The following CYP27C1 variants were observed in gnomAD, a reference collection of about 807,000 sequenced individuals.
CYP27C1 encodes the protein cytochrome P450 family 27 subfamily C member 1.
CYP27C1 carries 29 observed loss-of-function variants against 40.6 expected under a neutral mutation model. The observed-to-expected ratio is 0.71, with a 90% CI of 0.53 to 0.97. CYP27C1 has a LOEUF of 0.97. Among genes scored for constraint, CYP27C1 ranks in the 50% least tolerant of loss-of-function variants. The pLI is 0.00. For missense variants in CYP27C1, 390 were observed against 485.8 expected (o/e 0.80, Z 1.85); for synonymous variants, 198 against 186.8 (o/e 1.06, Z -0.49).
In CYP27C1 at chr2:127,186,282, C is replaced by A. The variant is rs955537855; in HGVS notation, c.*989G>T. 3 of 150,938 alleles carry A rather than the reference C, an allele frequency of 2.0e-5. No homozygotes were observed. The highest frequency in any genetic ancestry group is 7.3e-5 in the African/African-American group (3 of 41,264). The allele number at this position is 150,938 out of a possible 1,614,324, so 9.3% of individuals were successfully genotyped here. A position where few individuals can be genotyped will look rare whatever the true frequency, so the allele number is the denominator to read the frequency against. On this transcript the variant is annotated 3_prime_UTR_variant, in exon 9 of 9. Transcript: ENST00000664447. This position sits in a 1 kb window ranked among gnomAD's most constrained non-coding sequence, Gnocchi z 4.5. ...TTATTTATTTATTATTTATTTCTTC[C>A]AAATAAAAACTAATAGTCAACTTCA... is the stretch of plus-strand genomic sequence containing the variant.
At position 127,189,175 on chromosome 2, in the gene CYP27C1, C is replaced by T. The variant is rs898141855; in HGVS notation, c.1498-1788G>A. On this transcript the variant is annotated intron_variant, in intron 8 of 8. Transcript: ENST00000664447. ...CAAAAGACAAAAAACACTGCCCCCC[C>T]CCTCCGCCCCCCTACATCCAGTTTC... is the stretch of plus-strand genomic sequence containing the variant. Among the ~76,000 whole-genome samples, 45 of 151,212 alleles carry T rather than the reference C, an allele frequency of 3.0e-4. 2 individuals are homozygous for T. In the South Asian group the frequency reaches 7.0e-3, roughly 24 times the overall value.
At chr2:127,211,135 G>A (rs1004697060) in intron 1 of CYP27C1, among the ~76,000 whole-genome samples, 1 of 152,078 alleles carries the variant, frequency 6.6e-6, no homozygotes, top group Non-Finnish European at 1.5e-5. Context: ...AAGTGCAAAA[G>A]AACTGAAATC....
intron 7 of CYP27C1, among the ~76,000 whole-genome samples, 175 bp downstream of exon 7, chr2:127,193,614 G>A (rs1682833984): frequency 6.6e-6 from 1 of 152,170 alleles, no homozygotes; most frequent in Non-Finnish European, 1.5e-5. Context: ...AGAGCAGTGA[G>A]ATCACACCAT....
Position 127,208,007 on chromosome 2 carries a change from C to A in CYP27C1, c.283-1917G>T, listed in dbSNP as rs1184047150. Among the ~76,000 whole-genome samples the A allele has an allele frequency of 3.9e-5, 6 of 152,012 alleles. No homozygotes were observed. The East Asian group carries it at 1.2e-3, about 29-fold the overall frequency. On this transcript the variant is annotated intron_variant, in intron 1 of 8. Coordinates refer to ENST00000664447, the MANE Select transcript of CYP27C1 (RefSeq NM_001367502.1). This position sits in a 1 kb window ranked among gnomAD's most constrained non-coding sequence, Gnocchi z 5.2. ...AAATTCATATGAAAATGCAAGAGAC[C>A]CAGAATAGCCTAAACAATCTCGAAA...
At chr2:127,191,108 G>A (rs909045400) in intron 8 of CYP27C1, among the ~76,000 whole-genome samples, 13 of 150,734 alleles carry the variant, frequency 8.6e-5, no homozygotes, top group Non-Finnish European at 1.5e-4. Context: ...TTAGCTGGGC[G>A]TGGTGATGGG....
Position 127,187,352 on chromosome 2 carries a change from C to A in CYP27C1, c.1533G>T (p.Gln511His). ...LQHFEIKTSSQTNAVHAKTHG... is the reference protein window; with the variant it reads ...LQHFEIKTSSHTNAVHAKTHG... ...GGGTTTTTGCATGAACAGCATTGGT[C>A]TGAGAAGATGTTTTGATCTCAAAAT... Residue 511 changes from glutamine (Q) to histidine (H), a missense_variant, in exon 9 of 9, where the codon CAG becomes CAT. Transcript: ENST00000664447. The A allele has an allele frequency of 6.2e-7, 1 of 1,614,060 alleles. No homozygotes were observed. Among genetic ancestry groups the A allele is most frequent in the Non-Finnish European group, 8.5e-7 (1 of 1,179,996 alleles).
In CYP27C1 at chr2:127,218,755, G is replaced by A. The variant is rs1334657172; in HGVS notation, c.282+1234C>T. ...CTGGGCAGAAGGACAGGCCTGGGTG[G>A]GAGGAGAAGGGGGCGTTCTCGGAAG... On this transcript the variant is annotated intron_variant, in intron 1 of 8. Transcript: ENST00000664447. The surrounding 1 kb of genome is among the most constrained non-coding windows in gnomAD (Gnocchi z 6.0). Among the ~76,000 whole-genome samples, 3 of 152,184 alleles carry A rather than the reference G, an allele frequency of 2.0e-5. No individual in the cohort carries two copies. Among genetic ancestry groups the A allele is most frequent in the Non-Finnish European group, 4.4e-5 (3 of 68,024 alleles).
At chr2:127,215,411 A>T (rs1683412816) in intron 1 of CYP27C1, among the ~76,000 whole-genome samples, 1 of 152,188 alleles carries the variant, frequency 6.6e-6, no homozygotes, top group Non-Finnish European at 1.5e-5. Flanking sequence ...AAATGCTAAA[A>T]CTATAAACTC....
rs138007601 is a variant in CYP27C1 at position 127,190,871 on chromosome 2, C to T, written c.1497+2223G>A. On this transcript the variant is annotated intron_variant, in intron 8 of 8. Transcript: ENST00000664447. ...CTGAGGCAGGAGAATCGCTTGAACC[C>T]GGGAGACAGAGTTGCAGCGACCCGA... Among the ~76,000 whole-genome samples the T allele has an allele frequency of 8.2e-3, 1,224 of 149,608 alleles. 10 individuals carry two copies. The highest frequency in any genetic ancestry group is 0.028 in the African/African-American group (1,154 of 40,518).
At chr2:127,193,985 G>C in intron 6 of CYP27C1, 118 bp from the exon 7 acceptor site, 11 of 1,149,660 alleles carry the variant, frequency 9.6e-6, no homozygotes, top group Non-Finnish European at 1.4e-5. Context: ...AGTAACACAT[G>C]GTACATTTTC....
At chr2:127,202,306 A>G (rs1468754357) in intron 3 of CYP27C1, among the ~76,000 whole-genome samples, 2 of 152,112 alleles carry the variant, frequency 1.3e-5, no homozygotes, top group Non-Finnish European at 2.9e-5. Context: ...TTGTATTTTT[A>G]GTAGAGACAG....
intron 8 of CYP27C1, among the ~76,000 whole-genome samples, chr2:127,190,862 G>A (rs1051165654): frequency 8.6e-5 from 13 of 150,542 alleles, no homozygotes; most frequent in Admixed American, 2.6e-4. Context: ...CAGGAGAATC[G>A]CTTGAACCCG....
chr2:127,193,500 C>T (rs979528749), intron 7 of CYP27C1, among the ~76,000 whole-genome samples: 2 of 152,154 alleles, frequency 1.3e-5, no homozygotes, highest in African/African-American at 2.4e-5. Flanking sequence ...CTGAGAAGAC[C>T]GTCGAGCCCT....
chr2:127,197,788 G>A (rs1682937496), intron 5 of CYP27C1, among the ~76,000 whole-genome samples: 2 of 151,946 alleles, frequency 1.3e-5, no homozygotes, highest in Non-Finnish European at 1.5e-5. Context: ...GTACCTACAC[G>A]GCGATCATTT....
chr2:127,204,626 A>AAAGAAAG (rs200607857), intron 2 of CYP27C1, among the ~76,000 whole-genome samples: 1 of 38,912 alleles, frequency 2.6e-5, no homozygotes, highest in African/African-American at 9.9e-5. Context: ...AGAAAGAAAG[A>AAAGAAAG]AGACTGCAGC....
In CYP27C1 at chr2:127,204,612, A is replaced by AGAAG. The variant is rs1491571198; in HGVS notation, c.474-1042_474-1041insCTTC. On this transcript the variant is annotated intron_variant, in intron 2 of 8. Coordinates refer to ENST00000664447, the MANE Select transcript of CYP27C1 (RefSeq NM_001367502.1). ...AAGAAAGAAAGAAAGAAAGAAAGAAAGAAAGAAAGAAAGAAGACTGCAGCT... is the reference window on the plus strand; with the variant it reads ...AAGAAAGAAAGAAAGAAAGAAAGAAAGAAGGAAAGAAAGAAAGAAGACTGCAGCT... Among the ~76,000 whole-genome samples the AGAAG allele has an allele frequency of 2.9e-5, 3 of 103,250 alleles. 1 individual carries two copies. Among genetic ancestry groups the AGAAG allele is most frequent in the Non-Finnish European group, 6.0e-5 (3 of 50,232 alleles). 67.7% of individuals were successfully genotyped at this position (103,250 alleles called of 152,430 possible).
rs573825266 is a variant in CYP27C1, at chr2:127,195,018, C to T, written c.1214+317G>A. On this transcript the variant is annotated intron_variant, in intron 6 of 8. Coordinates refer to ENST00000664447, the MANE Select transcript of CYP27C1 (RefSeq NM_001367502.1). The surrounding 1 kb of genome is among the most constrained non-coding windows in gnomAD (Gnocchi z 6.2). ...CTAATTTTTGTATTTTTAGTAGAGA[C>T]GCAGTTTCACCATGTTGGCCAGGCT... 2.9e-4 allele frequency among the ~76,000 whole-genome samples: 44 copies of T among 152,074 alleles called. 1 individual carries two copies. Among genetic ancestry groups the T allele is most frequent in the African/African-American group, 9.9e-4 (41 of 41,512 alleles).
chr2:127,202,255 T>A (rs13024732), intron 3 of CYP27C1, among the ~76,000 whole-genome samples: 3 of 151,604 alleles, frequency 2.0e-5, no homozygotes, highest in Non-Finnish European at 4.4e-5. Context: ...CTCCCAAGTC[T>A]CTGGGATTAC....
rs1683302317 is a variant in CYP27C1 at position 127,209,779 on chromosome 2, A to C, written c.283-3689T>G. On this transcript the variant is annotated intron_variant, in intron 1 of 8. Coordinates refer to ENST00000664447, the MANE Select transcript of CYP27C1 (RefSeq NM_001367502.1). This position sits in a 1 kb window ranked among gnomAD's most constrained non-coding sequence, Gnocchi z 4.1. Reference sequence around the variant, plus strand: ...GAAAGGATATCAGAATTTGAAGACCACCTTACTGAAATAAGACATGCAGAC... The same window carrying C: ...GAAAGGATATCAGAATTTGAAGACCCCCTTACTGAAATAAGACATGCAGAC... Among the ~76,000 whole-genome samples the C allele has an allele frequency of 6.6e-6, 1 of 152,202 alleles. No homozygotes were observed. Among genetic ancestry groups the C allele is most frequent in the Admixed American group, 6.5e-5 (1 of 15,280 alleles).
Sources: allele counts gnomAD v4.1 joint callset (sites outside exome capture counted in the v4.1 genomes callset), GRCh38; gene constraint gnomAD v4.1.1; non-coding constraint Gnocchi (gnomAD v3.1); transcripts MANE v1.5; gene names NCBI Gene and HGNC (gene_info 2026-07-23, HGNC 2026-07-21).